TMEM132D: variants seen among roughly 807,000 people sequenced by gnomAD.
The protein encoded by TMEM132D is transmembrane protein 132D.
In TMEM132D, 21 loss-of-function variants were observed where a neutral mutation model predicts 62.3. The observed-to-expected ratio is 0.34, with a 90% CI of 0.24 to 0.49. The LOEUF (loss-of-function observed/expected upper bound fraction) is 0.49. Among genes scored for constraint, TMEM132D ranks in the 20% least tolerant of loss-of-function variants. The pLI is 0.99. For missense variants in TMEM132D, 1,346 were observed against 1,402.8 expected, an observed-to-expected ratio of 0.96 and a Z score of 0.65; for synonymous variants, 621 against 575.6, an observed-to-expected ratio of 1.08 and a Z score of -1.13.
At chr12:129,387,613 A>G (rs1871147853) in intron 3 of TMEM132D, among the ~76,000 whole-genome samples, 1 of 152,124 alleles carries the variant, frequency 6.6e-6, no homozygotes, top group Admixed American at 6.6e-5. Flanking sequence ...ACTAACACTA[A>G]TGCCACCACT....
chr12:129,425,194 A>T (rs11060334), intron 3 of TMEM132D, among the ~76,000 whole-genome samples: 20,921 of 152,278 alleles, frequency 0.14, 1,614 homozygotes, highest in Non-Finnish European at 0.18. Flanking sequence ...GCTATTATGA[A>T]TAATGGTGCT....
intron 1 of TMEM132D, among the ~76,000 whole-genome samples, chr12:129,728,965 G>A (rs933916630): frequency 6.6e-6 from 1 of 152,146 alleles, no homozygotes; most frequent in East Asian, 1.9e-4. Context: ...ACTTTGCGGG[G>A]TGTTATTTAA....
chr12:129,735,901 G>T (rs942447004), intron 1 of TMEM132D, among the ~76,000 whole-genome samples: 1 of 152,160 alleles, frequency 6.6e-6, no homozygotes, highest in African/African-American at 2.4e-5. Flanking sequence ...CACAAAGCAA[G>T]GTGGAGATGG....
intron 3 of TMEM132D, among the ~76,000 whole-genome samples, chr12:129,355,278 C>T (rs1373815050): frequency 6.6e-6 from 1 of 151,992 alleles, no homozygotes; most frequent in African/African-American, 2.4e-5. Flanking sequence ...GCATCTTAAA[C>T]CTACCTGTAT....
At chr12:129,506,705 C>G (rs1383172554) in intron 3 of TMEM132D, among the ~76,000 whole-genome samples, 1 of 152,054 alleles carries the variant, frequency 6.6e-6, no homozygotes, top group Non-Finnish European at 1.5e-5. Context: ...ATACAAAAAT[C>G]AAGAGAAGAT....
At chr12:129,847,871 G>C (rs1164721607) in intron 1 of TMEM132D, among the ~76,000 whole-genome samples, 1 of 152,060 alleles carries the variant, frequency 6.6e-6, no homozygotes, top group Non-Finnish European at 1.5e-5. Flanking sequence ...CACGGGAGAA[G>C]CTCCCAGACA....
At chr12:129,335,936 G>A (rs567712402) in intron 4 of TMEM132D, among the ~76,000 whole-genome samples, 3 of 152,320 alleles carry the variant, frequency 2.0e-5, no homozygotes, top group Admixed American at 2.0e-4. Context: ...AAGTTTTGCT[G>A]GTCTGCAGAA....
intron 5 of TMEM132D, among the ~76,000 whole-genome samples, chr12:129,116,340 T>A (rs185557580): frequency 6.6e-6 from 1 of 152,176 alleles, no homozygotes; most frequent in Admixed American, 6.5e-5. Flanking sequence ...CCAGTCCTAG[T>A]CATTTATTAG....
chr12:129,784,728 T>C (rs1197238533), intron 1 of TMEM132D, among the ~76,000 whole-genome samples: 1 of 152,202 alleles, frequency 6.6e-6, no homozygotes, highest in Admixed American at 6.5e-5. Flanking sequence ...GAATTGAAGA[T>C]CCATCCTTTT....
chr12:129,260,519 T>G (rs1880523567), intron 4 of TMEM132D, among the ~76,000 whole-genome samples: 1 of 152,308 alleles, frequency 6.6e-6, no homozygotes, highest in African/African-American at 2.4e-5. Context: ...TAATTTTTAT[T>G]TTTTTAATTT....
At chr12:129,691,652 G>C (rs887540244) in intron 2 of TMEM132D, among the ~76,000 whole-genome samples, 3 of 152,048 alleles carry the variant, frequency 2.0e-5, no homozygotes, top group Non-Finnish European at 4.4e-5. Flanking sequence ...GTAAATATTT[G>C]AGGTGATGAA....
At position 129,227,950 on chromosome 12, in the gene TMEM132D, G is replaced by A. The variant is rs546787744; in HGVS notation, c.1300-18287C>T. Among the ~76,000 whole-genome samples, 4 of 152,280 alleles carry A rather than the reference G, an allele frequency of 2.6e-5. No individual in the cohort carries two copies. In the South Asian group the frequency reaches 6.2e-4, roughly 24 times the overall value. ...AACTCATCTTTTTTATGGCTGCATA[G>A]TATTCCACGGTGTATACGTTTATTA... On this transcript the variant is annotated intron_variant, in intron 4 of 8. Coordinates refer to ENST00000422113, the MANE Select transcript of TMEM132D (RefSeq NM_133448.3).
chr12:129,594,260 A>G (rs911069375), intron 2 of TMEM132D, among the ~76,000 whole-genome samples: 1 of 152,206 alleles, frequency 6.6e-6, no homozygotes, highest in Non-Finnish European at 1.5e-5. Flanking sequence ...CTCCTTGAAG[A>G]TGATGATTCG....
At chr12:129,170,952 G>C (rs994814213) in intron 5 of TMEM132D, among the ~76,000 whole-genome samples, 1 of 152,190 alleles carries the variant, frequency 6.6e-6, no homozygotes. Context: ...TGGGGCGGCT[G>C]TGGCAAGGAC....
chr12:129,347,391 C>G (rs1197832913), intron 3 of TMEM132D, among the ~76,000 whole-genome samples: 1 of 152,144 alleles, frequency 6.6e-6, no homozygotes, highest in Non-Finnish European at 1.5e-5. Flanking sequence ...ATAGAGACCT[C>G]TGAAATAACA....
chr12:129,708,493 C>T (rs4759997), intron 1 of TMEM132D, among the ~76,000 whole-genome samples: 133,395 of 151,614 alleles, frequency 0.88, 60,185 homozygotes, highest in Non-Finnish European at 0.99. Flanking sequence ...TTGCTGAATG[C>T]CTATCGGTCT....
intron 3 of TMEM132D, among the ~76,000 whole-genome samples, chr12:129,411,724 G>A (rs1420421636): frequency 6.6e-6 from 1 of 152,094 alleles, no homozygotes; most frequent in Non-Finnish European, 1.5e-5. Flanking sequence ...CTTCTCTGAG[G>A]CTCTGAGGGG....
At chr12:129,334,146 A>G (rs980996094) in intron 4 of TMEM132D, among the ~76,000 whole-genome samples, 1 of 152,150 alleles carries the variant, frequency 6.6e-6, no homozygotes, top group Admixed American at 6.5e-5. Flanking sequence ...AAATAATGAA[A>G]AAAATTTTTA....
In TMEM132D at chr12:129,362,576, T is replaced by C. The variant is rs148067129; in HGVS notation, c.1116-24759A>G. Among the ~76,000 whole-genome samples the C allele has an allele frequency of 1.8e-4, 27 of 151,834 alleles. No homozygotes were observed. The East Asian group carries it at 4.6e-3, about 26-fold the overall frequency. On this transcript the variant is annotated intron_variant, in intron 3 of 8. Transcript: ENST00000422113. Reference sequence around the variant, plus strand: ...GAAATGAAGATATATTTTATTTTTATATATTTCTTTTTTGTTGGGAGTCTT... The same window carrying C: ...GAAATGAAGATATATTTTATTTTTACATATTTCTTTTTTGTTGGGAGTCTT...
Sources: allele counts gnomAD v4.1 joint callset (sites outside exome capture counted in the v4.1 genomes callset), GRCh38; gene constraint gnomAD v4.1.1; transcripts MANE v1.5; gene names NCBI Gene and HGNC (gene_info 2026-07-23, HGNC 2026-07-21).